Variants in TMX3 observed in about 807,000 individuals in gnomAD.
TMX3 encodes thioredoxin related transmembrane protein 3.
Under a neutral mutation model 64.4 loss-of-function variants are expected in TMX3, and 40 were observed. The observed-to-expected ratio is 0.62, with a 90% CI of 0.48 to 0.81. The LOEUF is 0.81. Among genes scored for constraint, TMX3 ranks in the 30% least tolerant of loss-of-function variants. TMX3 has a pLI of 0.00. For synonymous variants in TMX3, 189 were observed against 175.7 expected (o/e 1.08, Z -0.60); for missense variants, 497 against 534.5 (o/e 0.93, Z 0.69).
intron 6 of TMX3, among the ~76,000 whole-genome samples, 180 bp from the exon 7 acceptor site, chr18:68,698,211 CACAT>C (rs1367709041): frequency 1.3e-5 from 2 of 152,138 alleles, no homozygotes; most frequent in Admixed American, 1.3e-4. Context: ...ACTACTATTG[CACAT>C]ACATAAAAGG....
intron 8 of TMX3, among the ~76,000 whole-genome samples, chr18:68,695,557 G>T (rs1320231593): frequency 6.6e-6 from 1 of 152,030 alleles, no homozygotes; most frequent in Non-Finnish European, 1.5e-5. Context: ...AATTCCTCAA[G>T]TTCATCAACC....
intron 8 of TMX3, among the ~76,000 whole-genome samples, chr18:68,692,254 A>AT (rs1914595945): frequency 6.6e-6 from 1 of 152,094 alleles, no homozygotes; most frequent in Non-Finnish European, 1.5e-5. Context: ...CTTGGGAAGT[A>AT]TTTTTCAACA....
intron 4 of TMX3, among the ~76,000 whole-genome samples, chr18:68,708,359 T>C (rs979613082): frequency 1.2e-4 from 19 of 152,116 alleles, no homozygotes; most frequent in South Asian, 4.1e-4. Flanking sequence ...TTCAAAATCA[T>C]TGGTAACTTA....
Position 68,681,189 on chromosome 18 carries a change from AG to A in TMX3, c.906-80del, listed in dbSNP as rs1292011876. 10 of 1,221,440 alleles carry A rather than the reference AG, an allele frequency of 8.2e-6. No individual in the cohort carries two copies. In the African/African-American group the frequency reaches 1.4e-4, roughly 17 times the overall value. 75.7% of individuals were successfully genotyped at this position (1,221,440 alleles called of 1,614,324 possible). On this transcript the variant is annotated intron_variant, in intron 13 of 15. Coordinates refer to ENST00000299608, the MANE Select transcript of TMX3 (RefSeq NM_019022.5). ...TTCTGATATTCATTTATATCTCAGT[AG>A]CCATAATTATAGAAGCTATTTAACA...
At chr18:68,701,442 T>C (rs2030050620) in intron 5 of TMX3, among the ~76,000 whole-genome samples, 1 of 152,110 alleles carries the variant, frequency 6.6e-6, no homozygotes, top group Non-Finnish European at 1.5e-5. Context: ...TATCTCACAA[T>C]CCACACTTGA....
rs144275782 is a variant in TMX3, at chr18:68,700,048, C to A, written c.392+357G>T. Among the ~76,000 whole-genome samples the A allele has an allele frequency of 8.5e-4, 130 of 152,180 alleles. 1 individual carries two copies. In the East Asian group the frequency reaches 0.015, roughly 18 times the overall value. On this transcript the variant is annotated intron_variant, in intron 6 of 15. Coordinates refer to ENST00000299608, the MANE Select transcript of TMX3 (RefSeq NM_019022.5). ...TAATATCCCAAGGCTTTGTTGAAAA[C>A]TCTGAACCAGGCAGTCCAAAAGCAA... is the stretch of plus-strand genomic sequence containing the variant.
intron 9 of TMX3, among the ~76,000 whole-genome samples, chr18:68,689,206 G>A (rs1392581156): frequency 2.6e-5 from 4 of 152,132 alleles, no homozygotes; most frequent in African/African-American, 9.7e-5. Context: ...TACTACTGCA[G>A]GTTAGAGAAA....
At position 68,674,339 on chromosome 18, in the gene TMX3, A is replaced by G. The variant is rs1912757818; in HGVS notation, c.*2594T>C. ...AATGTGGTGCACAGGGTACTCGATA[A>G]AAACATGCACTTTGTCTCGCTGAAA... is the stretch of plus-strand genomic sequence containing the variant. On this transcript the variant is annotated 3_prime_UTR_variant, in exon 16 of 16. Coordinates refer to ENST00000299608, the MANE Select transcript of TMX3 (RefSeq NM_019022.5). The G allele has an allele frequency of 6.6e-6, 1 of 152,166 alleles. No homozygotes were observed. The highest frequency in any genetic ancestry group is 2.4e-5 in the African/African-American group (1 of 41,450). The allele number at this position is 152,166 out of a possible 1,614,324, so 9.4% of individuals were successfully genotyped here. A position where few individuals can be genotyped will look rare whatever the true frequency, so the allele number is the denominator to read the frequency against.
At chr18:68,695,926 A>G (rs758689397) in intron 8 of TMX3, among the ~76,000 whole-genome samples, 1 of 152,136 alleles carries the variant, frequency 6.6e-6, no homozygotes, top group Non-Finnish European at 1.5e-5. Context: ...TGTAGGCACT[A>G]CAGTCACATT....
At chr18:68,686,626 G>C in intron 10 of TMX3, 2 of 584,212 alleles carry the variant, frequency 3.4e-6, no homozygotes, top group South Asian at 7.6e-5. Context: ...AGAACTGCTT[G>C]AACCAGGGAG....
At chr18:68,685,022 A>G (rs1913808113) in intron 10 of TMX3, among the ~76,000 whole-genome samples, 1 of 152,170 alleles carries the variant, frequency 6.6e-6, no homozygotes, top group African/African-American at 2.4e-5. Context: ...CTTAACCCTA[A>G]ATACAACATA....
chr18:68,700,749 T>C (rs2029974077), intron 5 of TMX3: 1 of 984,684 alleles, frequency 1.0e-6, no homozygotes, highest in South Asian at 4.7e-5. Context: ...CTACGCCTTC[T>C]GAAAAATAAT....
rs1402468820 is a variant in TMX3 at position 68,714,919 on chromosome 18, C to T, written c.46+17G>A. 1 of 1,555,212 alleles carries T rather than the reference C, an allele frequency of 6.4e-7. No homozygotes were observed. Among genetic ancestry groups the T allele is most frequent in the East Asian group, 2.4e-5 (1 of 41,034 alleles). ...CCCACGCGCCCGCCAGCGTCCCGAC[C>T]GCTGAGCCCCCATTACCTGTGGCGC... On this transcript the variant is annotated intron_variant, in intron 1 of 15. Transcript: ENST00000299608.
At chr18:68,697,808 A>T in intron 7 of TMX3, 124 bp downstream of exon 7, 2 of 608,646 alleles carry the variant, frequency 3.3e-6, no homozygotes. Context: ...AGAAATGCTT[A>T]GAATGAATGA....
At chr18:68,701,170 T>C (rs1354301998) in intron 5 of TMX3, 5 of 254,410 alleles carry the variant, frequency 2.0e-5, no homozygotes, top group Non-Finnish European at 3.1e-5. Flanking sequence ...CAAAACCCAA[T>C]ATATAAATTG....
In TMX3 at chr18:68,676,876, A is replaced by G. The variant is rs1033824575; in HGVS notation, c.*57T>C. On this transcript the variant is annotated 3_prime_UTR_variant, in exon 16 of 16. Transcript: ENST00000299608. ...GATCATGATTAAATGTCTAAATTCA[A>G]TAAATAGACTCTTTAATAATTTGAA... The G allele has an allele frequency of 3.9e-6, 6 of 1,551,272 alleles. No individual in the cohort carries two copies. In the South Asian group the frequency reaches 7.3e-5, roughly 19 times the overall value.
chr18:68,691,346 C>A lies in TMX3; in HGVS notation c.586G>T (p.Glu196Ter). The A allele has an allele frequency of 1.3e-6, 2 of 1,562,126 alleles. No homozygotes were observed. The highest frequency in any genetic ancestry group is 1.2e-5 in the South Asian group (1 of 82,004). Residue 196 changes from glutamate (E) to a stop codon, truncating the protein, a stop_gained, in exon 9 of 16, where the codon GAG becomes TAG. Coordinates refer to ENST00000299608, the MANE Select transcript of TMX3 (RefSeq NM_019022.5). LOFTEE classifies it high-confidence loss of function. ...TTGAAAACAAGCACAGCTGGCATCT[C>A]TTTTAGTGTCACATACTGCAAAAAA... ...EVVPEYVTLK[E>*]MPAVLVFKDE...
intron 8 of TMX3, among the ~76,000 whole-genome samples, chr18:68,693,130 C>T (rs1189702952): frequency 6.6e-6 from 1 of 152,180 alleles, no homozygotes; most frequent in Admixed American, 6.5e-5. Flanking sequence ...TCCAGAAAAA[C>T]CTTTTGGGAA....
intron 4 of TMX3, among the ~76,000 whole-genome samples, chr18:68,708,002 T>C (rs1191980700): frequency 1.4e-5 from 2 of 146,536 alleles, no homozygotes; most frequent in African/African-American, 2.7e-5. Context: ...TATGTGTATA[T>C]ATATGTGTAT....
Sources: gnomAD v4.1 joint callset for allele counts (sites outside exome capture counted in the v4.1 genomes callset) on GRCh38, gnomAD v4.1.1 for gene constraint, MANE v1.5 for transcripts, NCBI Gene and HGNC (gene_info 2026-07-23, HGNC 2026-07-21) for gene names.